Variants in GRB10 observed in about 807,000 individuals in gnomAD.
GRB10 encodes growth factor receptor bound protein 10.
In GRB10, 20 loss-of-function variants were observed where a neutral mutation model predicts 80.9. The observed-to-expected ratio is 0.25, with a 90% CI of 0.17 to 0.36. The LOEUF (loss-of-function observed/expected upper bound fraction) is 0.36. GRB10 is among the 10% of genes least tolerant of loss of function. GRB10 has a pLI of 1.00. For synonymous variants in GRB10, 291 were observed against 291.5 expected (o/e 1.00, Z 0.02); for missense variants, 548 against 747.7 (o/e 0.73, Z 3.12).
intron 15 of GRB10, chr7:50,604,944 C>T (rs2048271417): frequency 9.2e-6 from 3 of 326,480 alleles, no homozygotes; most frequent in Admixed American, 9.2e-5. Context: ...ATGTGAGCAC[C>T]TGCTGGCCCC....
At chr7:50,673,814 T>C (rs2060611081) in intron 6 of GRB10, among the ~76,000 whole-genome samples, 1 of 152,160 alleles carries the variant, frequency 6.6e-6, no homozygotes. Flanking sequence ...CCGGCCCCCA[T>C]CTGCATCATC....
chr7:50,713,256 C>T (rs916607859), intron 4 of GRB10, among the ~76,000 whole-genome samples: 6 of 152,084 alleles, frequency 3.9e-5, no homozygotes, highest in Non-Finnish European at 7.4e-5. Context: ...ACTACTGCCA[C>T]TACTGCCCCT....
At chr7:50,674,835 G>A (rs180856358) in intron 5 of GRB10, among the ~76,000 whole-genome samples, 177 bp from the exon 6 acceptor site, 1 of 152,332 alleles carries the variant, frequency 6.6e-6, no homozygotes, top group East Asian at 1.9e-4. Flanking sequence ...CATATTACAT[G>A]TATTCATCAT....
chr7:50,776,624 C>T (rs1447312756), intron 2 of GRB10, among the ~76,000 whole-genome samples: 1 of 152,194 alleles, frequency 6.6e-6, no homozygotes, highest in Non-Finnish European at 1.5e-5. Context: ...ACTATGCTCA[C>T]GGATTTCTTC....
At chr7:50,674,383 T>C (rs752822889) in intron 6 of GRB10, 53 bp downstream of exon 6, 339 of 1,537,116 alleles carry the variant, frequency 2.2e-4, no homozygotes, top group Non-Finnish European at 2.8e-4. Flanking sequence ...GCAGTGTCCC[T>C]GCCGACAGCT....
intron 18 of GRB10, among the ~76,000 whole-genome samples, chr7:50,594,084 T>C (rs1004319680): frequency 3.3e-5 from 5 of 152,146 alleles, no homozygotes; most frequent in South Asian, 2.1e-4. Flanking sequence ...TATAATGCAG[T>C]AGAAGAACAA....
At chr7:50,700,426 G>A (rs796146186) in intron 5 of GRB10, among the ~76,000 whole-genome samples, 6 of 152,242 alleles carry the variant, frequency 3.9e-5, no homozygotes, top group African/African-American at 1.4e-4. Context: ...GCCCTCCTGA[G>A]TGTCTGTGCT....
At chr7:50,624,193 T>A (rs2052441513) in intron 8 of GRB10, among the ~76,000 whole-genome samples, 2 of 152,178 alleles carry the variant, frequency 1.3e-5, no homozygotes, top group South Asian at 4.1e-4. Context: ...TATGTACACA[T>A]CCCTGTGAGA....
intron 3 of GRB10, among the ~76,000 whole-genome samples, chr7:50,735,039 G>C (rs868359990): frequency 6.6e-6 from 1 of 152,174 alleles, no homozygotes; most frequent in Admixed American, 6.5e-5. Context: ...GATGACATAT[G>C]ACATAATCTT....
intron 7 of GRB10, among the ~76,000 whole-genome samples, chr7:50,629,723 T>C: frequency 6.6e-6 from 1 of 152,236 alleles, no homozygotes; most frequent in South Asian, 2.1e-4. Context: ...TGCCAGCCAC[T>C]GACCACGGAG....
chr7:50,735,803 T>A lies in GRB10; in HGVS notation c.-46-3435A>T, dbSNP rs537689611. Among the ~76,000 whole-genome samples, 3 of 152,222 alleles carry A rather than the reference T, an allele frequency of 2.0e-5. No individual in the cohort carries two copies. In the South Asian group the frequency reaches 6.2e-4, roughly 32 times the overall value. On this transcript the variant is annotated intron_variant, in intron 3 of 18. Coordinates refer to ENST00000401949, the MANE Select transcript of GRB10 (RefSeq NM_001350814.2). ...TTGGTTTTCTCTTTTGAAAAAGACG[T>A]TTATATAATATTGTGATATATATAA... is the stretch of plus-strand genomic sequence containing the variant.
chr7:50,739,545 AACG>A (rs2153695872), intron 3 of GRB10, among the ~76,000 whole-genome samples: 2 of 152,338 alleles, frequency 1.3e-5, no homozygotes, highest in East Asian at 3.9e-4. Flanking sequence ...CACACATGGC[AACG>A]TACTAAGTGC....
intron 5 of GRB10, among the ~76,000 whole-genome samples, chr7:50,700,123 A>T (rs550109984): frequency 6.6e-6 from 1 of 152,158 alleles, no homozygotes; most frequent in East Asian, 1.9e-4. Context: ...TGGATGACAG[A>T]GCGAGACTCC....
intron 9 of GRB10, 76 bp from the exon 10 acceptor site, chr7:50,618,215 A>C (rs2051001960): frequency 1.8e-6 from 2 of 1,107,538 alleles, no homozygotes; most frequent in Admixed American, 1.7e-5. Flanking sequence ...TAGATATGTC[A>C]ATTTTAAAAC....
chr7:50,639,273 TAATTGATAG>T (rs2055677965), intron 7 of GRB10, among the ~76,000 whole-genome samples: 1 of 152,364 alleles, frequency 6.6e-6, no homozygotes, highest in African/African-American at 2.4e-5. Flanking sequence ...TTCTGCTTTA[TAATTGATAG>T]ATTTCAAGTT....
chr7:50,645,144 T>G (rs780981253), intron 7 of GRB10, among the ~76,000 whole-genome samples: 4 of 152,250 alleles, frequency 2.6e-5, no homozygotes, highest in Non-Finnish European at 4.4e-5. Context: ...AATCCCGATT[T>G]ATCTCCAAAA....
At chr7:50,789,719 T>C (rs1588145701) in intron 1 of GRB10, among the ~76,000 whole-genome samples, 1 of 152,110 alleles carries the variant, frequency 6.6e-6, no homozygotes, top group African/African-American at 2.4e-5. Context: ...ATATGTAAAG[T>C]AGATGGTTCA....
chr7:50,784,027 A>G (rs7786917), upstream of GRB10, among the ~76,000 whole-genome samples: 97,886 of 152,084 alleles, frequency 0.64, 33,591 homozygotes, highest in Middle Eastern at 0.88. Flanking sequence ...CTGGTTCTGA[A>G]AGCAGCCAAG....
intron 2 of GRB10, among the ~76,000 whole-genome samples, chr7:50,770,761 AT>A (rs11388561): frequency 6.6e-6 from 1 of 151,686 alleles, no homozygotes; most frequent in Non-Finnish European, 1.5e-5. Flanking sequence ...CACTCTTCCC[AT>A]TTTTTTTGTT....
Sources: allele counts gnomAD v4.1 joint callset (sites outside exome capture counted in the v4.1 genomes callset), GRCh38; gene constraint gnomAD v4.1.1; transcripts MANE v1.5; gene names NCBI Gene and HGNC (gene_info 2026-07-23, HGNC 2026-07-21).